ZNF597: variants seen among roughly 807,000 people sequenced by gnomAD.
ZNF597 encodes the protein zinc finger protein 597.
A neutral mutation model predicts 7.3 loss-of-function variants in ZNF597; 5 were observed. That is an observed-to-expected ratio of 0.68 (90% CI 0.36 to 1.44). The LOEUF (loss-of-function observed/expected upper bound fraction) is 1.44, where lower values mean the gene tolerates loss of function less well. Among genes scored for constraint, ZNF597 ranks in the 40% most tolerant of loss-of-function variants. The pLI is 0.04. For missense variants in ZNF597, 585 were observed against 517.9 expected (o/e 1.13, Z -1.26); for synonymous variants, 209 against 185.4 (o/e 1.13, Z -1.04).
rs35587796 is a variant in ZNF597, at chr16:3,436,577, G to A, written c.1122C>T (p.Cys374=). Reference sequence around the variant, plus strand: ...CTGAGTCCAAAGCAAAACTTTCCTCGCATGTTTTGCACTTATGGGGCCTTT... The same window carrying A: ...CTGAGTCCAAAGCAAAACTTTCCTCACATGTTTTGCACTTATGGGGCCTTT... ...TEERPHKCKT[C]EESFALDSEL... Residue 374 remains cysteine, a synonymous_variant, in exon 4 of 4, where the codon TGC becomes TGT. Transcript: ENST00000301744. The A allele has an allele frequency of 1.0e-3, 1,690 of 1,610,598 alleles. 5 individuals carry two copies. The African/African-American group carries it at 0.013, about 12-fold the overall frequency.
rs1482426358 is a variant in ZNF597 at position 3,433,520 on chromosome 16, C to T, written c.*2904G>A. ...AATCATTCATAGCAATAAACTCTTG[C>T]ATTTAGTTTTTCATTCCCATATTAA... is the stretch of plus-strand genomic sequence containing the variant. On this transcript the variant is annotated 3_prime_UTR_variant, in exon 4 of 4. Transcript: ENST00000301744. The T allele has an allele frequency of 6.6e-6, 1 of 152,198 alleles. No individual in the cohort carries two copies. Among genetic ancestry groups the T allele is most frequent in the East Asian group, 1.9e-4 (1 of 5,202 alleles). 9.4% of individuals were successfully genotyped at this position (152,198 alleles called of 1,614,324 possible). A position where few individuals can be genotyped will look rare whatever the true frequency, so the allele number is the denominator to read the frequency against.
At chr16:3,440,047 A>G (rs182778696) in intron 3 of ZNF597, among the ~76,000 whole-genome samples, 19 of 152,268 alleles carry the variant, frequency 1.2e-4, no homozygotes, top group Admixed American at 1.2e-3. Flanking sequence ...CAACTATTCC[A>G]AACTATTTAG....
chr16:3,440,694 A>G (rs2034357701), intron 3 of ZNF597, 113 bp downstream of exon 3: 4 of 1,377,958 alleles, frequency 2.9e-6, no homozygotes, highest in Non-Finnish European at 3.9e-6. Flanking sequence ...TCACCTCCAC[A>G]TAAATTACTG....
chr16:3,437,459 G>A lies in ZNF597; in HGVS notation c.240C>T (p.Tyr80=). The A allele has an allele frequency of 6.2e-7, 1 of 1,614,136 alleles. No homozygotes were observed. Among genetic ancestry groups the A allele is most frequent in the African/African-American group, 1.3e-5 (1 of 75,022 alleles). The part of the protein sequence containing the change: ...MELDELALEK[Y]PIAAPLVPYP... ...AAGGGACAAGGGGTGCAGCAATGGG[G>A]TACTTTTCTAAGGCAAGCTCGTCAA... Residue 80 remains tyrosine (Y), a synonymous_variant, in exon 4 of 4, where the codon TAC becomes TAT. Coordinates refer to ENST00000301744, the MANE Select transcript of ZNF597 (RefSeq NM_152457.3).
chr16:3,439,644 T>C (rs40222), intron 3 of ZNF597, among the ~76,000 whole-genome samples: 36,084 of 151,436 alleles, frequency 0.24, 4,383 homozygotes, highest in African/African-American at 0.28. Flanking sequence ...AAAGCACACC[T>C]TGAAACAGTC....
Position 3,435,368 on chromosome 16 carries a change from C to T in ZNF597, c.*1056G>A, listed in dbSNP as rs1241366453. ...GGACCACCCTCACCTATCTCAGCTC[C>T]CCTTTCCCTGGCTGCCTGCAGTGCT... On this transcript the variant is annotated 3_prime_UTR_variant, in exon 4 of 4. Transcript: ENST00000301744. 1.3e-5 allele frequency: 2 copies of T among 152,314 alleles called. No homozygotes were observed. Among genetic ancestry groups the T allele is most frequent in the African/African-American group, 2.4e-5 (1 of 41,456 alleles). The allele number at this position is 152,314 out of a possible 1,614,324, so 9.4% of individuals were successfully genotyped here. A position where few individuals can be genotyped will look rare whatever the true frequency, so the allele number is the denominator to read the frequency against.
chr16:3,433,996 T>G lies in ZNF597; in HGVS notation c.*2428A>C, dbSNP rs2034277443. The G allele has an allele frequency of 6.6e-6, 1 of 151,482 alleles. No homozygotes were observed. Among genetic ancestry groups the G allele is most frequent in the Non-Finnish European group, 1.5e-5 (1 of 67,902 alleles). 9.4% of individuals were successfully genotyped at this position (151,482 alleles called of 1,614,324 possible). On this transcript the variant is annotated 3_prime_UTR_variant, in exon 4 of 4. Transcript: ENST00000301744. ...AAACTGCAAAAAAAAAAATTAGAGG[T>G]TAATTGTGAAGGAAGACTCGTGTGG...
chr16:3,438,345 A>C (rs2034327008), intron 3 of ZNF597, among the ~76,000 whole-genome samples: 2 of 151,888 alleles, frequency 1.3e-5, no homozygotes, highest in African/African-American at 2.4e-5. Context: ...GGATCACGAG[A>C]TCAGGAGATC....
intron 2 of ZNF597, among the ~76,000 whole-genome samples, chr16:3,442,778 C>T (rs2034407156): frequency 6.6e-6 from 1 of 151,998 alleles, no homozygotes; most frequent in African/African-American, 2.4e-5. Flanking sequence ...GAGTTCCAGA[C>T]GGAGCTATGA....
rs748036984 is a variant in ZNF597, at chr16:3,437,070, T to A, written c.629A>T (p.Lys210Ile). 2 of 1,614,164 alleles carry A rather than the reference T, an allele frequency of 1.2e-6. No homozygotes were observed. Among genetic ancestry groups the A allele is most frequent in the Non-Finnish European group, 1.7e-6 (2 of 1,180,038 alleles). ...RTHRRIHTGE[K>I]PYKCAKCSAS... Reference sequence around the variant, plus strand: ...ACTGCACTTGGCACACTTATAAGGTTTCTCACCAGTATGGATTCTCCTGTG... The same window carrying A: ...ACTGCACTTGGCACACTTATAAGGTATCTCACCAGTATGGATTCTCCTGTG... Residue 210 changes from lysine to isoleucine, a missense_variant, in exon 4 of 4, where the codon AAA becomes ATA. Transcript: ENST00000301744.
rs1382536294 is a variant in ZNF597, at chr16:3,443,416, GC to G, written c.-111del. On this transcript the variant is annotated 5_prime_UTR_variant, in exon 1 of 4. The change abolishes the stop of an existing upstream ORF in the 5' untranslated region. Transcript: ENST00000301744. ...CCTGACAGGAGCTGCAGAAAGCGAC[GC>G]CCGACCGAGACGCGACGAAGAACGC... The G allele has an allele frequency of 7.8e-6, 4 of 515,516 alleles. No homozygotes were observed. Among genetic ancestry groups the G allele is most frequent in the Non-Finnish European group, 1.4e-5 (4 of 294,830 alleles). 31.9% of individuals were successfully genotyped at this position (515,516 alleles called of 1,614,324 possible).
intron 3 of ZNF597, 59 bp downstream of exon 3, chr16:3,440,748 T>A (rs953375610): frequency 6.2e-7 from 1 of 1,600,958 alleles, no homozygotes. Flanking sequence ...GGATAAAGCA[T>A]GAAGTTCTCC....
At position 3,443,215 on chromosome 16, in the gene ZNF597, G is replaced by T; in HGVS notation, c.-53-9C>A. The T allele has an allele frequency of 6.4e-7, 1 of 1,550,652 alleles. No individual in the cohort carries two copies. Among genetic ancestry groups the T allele is most frequent in the South Asian group, 1.2e-5 (1 of 84,956 alleles). Reference sequence around the variant, plus strand: ...GGGACTTCGTGACAAAGCTGCGGGGGGAGAGAACAGTTCTTAAAGGGACCA... The same window carrying T: ...GGGACTTCGTGACAAAGCTGCGGGGTGAGAGAACAGTTCTTAAAGGGACCA... On this transcript the variant is annotated splice_polypyrimidine_tract_variant and intron_variant, in intron 1 of 3. Coordinates refer to ENST00000301744, the MANE Select transcript of ZNF597 (RefSeq NM_152457.3).
intron 3 of ZNF597, 65 bp downstream of exon 3, chr16:3,440,742 A>G (rs997235417): frequency 6.3e-7 from 1 of 1,594,430 alleles, no homozygotes; most frequent in South Asian, 1.1e-5. Flanking sequence ...ACATCTGGAT[A>G]AAGCATGAAG....
Position 3,435,696 on chromosome 16 carries a change from A to C in ZNF597, c.*728T>G, listed in dbSNP as rs376508189. On this transcript the variant is annotated 3_prime_UTR_variant, in exon 4 of 4. Transcript: ENST00000301744. Reference sequence around the variant, plus strand: ...TGTGCTTCAGTAGCAATTTGGAGGCAAATCTTAGAAAAGAGCAAGTACTTC... The same window carrying C: ...TGTGCTTCAGTAGCAATTTGGAGGCCAATCTTAGAAAAGAGCAAGTACTTC... 2 of 152,244 alleles carry C rather than the reference A, an allele frequency of 1.3e-5. No homozygotes were observed. Among genetic ancestry groups the C allele is most frequent in the East Asian group, 3.8e-4 (2 of 5,202 alleles). The allele number at this position is 152,244 out of a possible 1,614,324, so 9.4% of individuals were successfully genotyped here.
At chr16:3,441,246 T>C (rs958752336) in intron 2 of ZNF597, among the ~76,000 whole-genome samples, 1 of 152,234 alleles carries the variant, frequency 6.6e-6, no homozygotes, top group East Asian at 1.9e-4. Flanking sequence ...GAGGATGCTC[T>C]AAGAAAAGGA....
intron 2 of ZNF597, 148 bp downstream of exon 2, chr16:3,442,973 T>G (rs1017862304): frequency 1.1e-6 from 1 of 913,332 alleles, no homozygotes; most frequent in Non-Finnish European, 1.8e-6. Context: ...TGTGTGGTCT[T>G]GGAACGAAGA....
At chr16:3,440,602 C>T (rs2034356606) in intron 3 of ZNF597, among the ~76,000 whole-genome samples, 1 of 152,130 alleles carries the variant, frequency 6.6e-6, no homozygotes, top group East Asian at 1.9e-4. Context: ...CCACTGCACT[C>T]CAGCCTGGGC....
chr16:3,437,616 T>C (rs2034319373), intron 3 of ZNF597, 78 bp from the exon 4 acceptor site: 1 of 1,485,936 alleles, frequency 6.7e-7, no homozygotes, highest in South Asian at 1.4e-5. Flanking sequence ...GCTAAGGTAG[T>C]TACAAACAGG....
Sources: allele counts gnomAD v4.1 joint callset (sites outside exome capture counted in the v4.1 genomes callset), GRCh38; gene constraint gnomAD v4.1.1; transcripts MANE v1.5; gene names NCBI Gene and HGNC (gene_info 2026-07-23, HGNC 2026-07-21).